Variants in EPHA6 observed in about 807,000 individuals in gnomAD.
EPHA6 encodes the protein ephrin type-A receptor 6.
EPHA6 carries 50 observed loss-of-function variants against 112.0 expected under a neutral mutation model. The observed-to-expected ratio is 0.45, with a 90% CI of 0.36 to 0.56. EPHA6 has a LOEUF of 0.56. Among genes scored for constraint, EPHA6 ranks in the 20% least tolerant of loss-of-function variants. The probability of loss-of-function intolerance (pLI) is 0.00; values close to 1 mark genes in which losing one functional copy is unlikely to be tolerated. For synonymous variants in EPHA6, 529 were observed against 490.7 expected (o/e 1.08, Z -1.03); for missense variants, 1,280 against 1,417.4 (o/e 0.90, Z 1.56).
chr3:96,888,456 G>C (rs1376776683), intron 2 of EPHA6, among the ~76,000 whole-genome samples: 1 of 152,172 alleles, frequency 6.6e-6, no homozygotes, highest in Non-Finnish European at 1.5e-5. Context: ...TTCCCTCAGA[G>C]GGTCTGTGGG....
chr3:96,826,298 A>G (rs765354526), intron 1 of EPHA6, among the ~76,000 whole-genome samples: 1 of 152,020 alleles, frequency 6.6e-6, no homozygotes, highest in Non-Finnish European at 1.5e-5. Context: ...CTTAATTCTA[A>G]AACATTTTAG....
intron 5 of EPHA6, among the ~76,000 whole-genome samples, chr3:97,273,435 G>A (rs1215993268): frequency 6.6e-6 from 1 of 152,068 alleles, no homozygotes; most frequent in East Asian, 1.9e-4. Context: ...AAGTTTTTTG[G>A]GGGCACAGTC....
chr3:97,068,489 A>AT (rs1157340804), intron 3 of EPHA6, among the ~76,000 whole-genome samples: 2 of 152,112 alleles, frequency 1.3e-5, no homozygotes, highest in Non-Finnish European at 2.9e-5. Flanking sequence ...CAAGCGACAG[A>AT]TGAATAAATT....
At chr3:97,152,372 A>T (rs530450742) in intron 3 of EPHA6, among the ~76,000 whole-genome samples, 1 of 151,132 alleles carries the variant, frequency 6.6e-6, no homozygotes, top group East Asian at 1.9e-4. Flanking sequence ...AAAATTATTT[A>T]TGTGAAAAAG....
intron 11 of EPHA6, among the ~76,000 whole-genome samples, chr3:97,554,067 T>A (rs1230424537): frequency 6.6e-6 from 1 of 152,190 alleles, no homozygotes; most frequent in Non-Finnish European, 1.5e-5. Context: ...CAACTTAGTG[T>A]AGCCATGGTT....
At position 96,874,032 on chromosome 3, in the gene EPHA6, T is replaced by A. The variant is rs147048151; in HGVS notation, c.450+7143T>A. Among the ~76,000 whole-genome samples, 4 of 152,148 alleles carry A rather than the reference T, an allele frequency of 2.6e-5. No homozygotes were observed. The East Asian group carries it at 7.8e-4, about 29-fold the overall frequency. ...CCAAAGAAGCTGGTATTAAAACAGG[T>A]CATGTCAATCCCAAAGCCAAGACTT... On this transcript the variant is annotated intron_variant, in intron 2 of 17. Coordinates refer to ENST00000389672, the MANE Select transcript of EPHA6 (RefSeq NM_001080448.3).
chr3:96,885,745 T>A (rs1221438600), intron 2 of EPHA6, among the ~76,000 whole-genome samples: 1 of 152,208 alleles, frequency 6.6e-6, no homozygotes, highest in East Asian at 1.9e-4. Context: ...TGATCTTTGT[T>A]ACGTCCCTTT....
intron 3 of EPHA6, among the ~76,000 whole-genome samples, chr3:96,994,761 A>AGAGAGAGAGAGC (rs2043353407): frequency 2.9e-5 from 4 of 137,082 alleles, no homozygotes; most frequent in African/African-American, 1.1e-4. Flanking sequence ...AGAGAGAGAG[A>AGAGAGAGAGAGC]GCTATATATA....
At chr3:97,042,472 G>A (rs926048131) in intron 3 of EPHA6, among the ~76,000 whole-genome samples, 1 of 151,988 alleles carries the variant, frequency 6.6e-6, no homozygotes, top group African/African-American at 2.4e-5. Flanking sequence ...TTTCTTTCTA[G>A]CAATGCAAAA....
intron 3 of EPHA6, among the ~76,000 whole-genome samples, chr3:97,050,936 A>T (rs1264708424): frequency 6.6e-6 from 1 of 152,198 alleles, no homozygotes; most frequent in African/African-American, 2.4e-5. Flanking sequence ...CACTAAATTT[A>T]TATACTAATA....
In EPHA6 at chr3:97,074,350, C is replaced by T. The variant is rs1243668374; in HGVS notation, c.1114+86357C>T. ...TTTTGATACATATTTTTAATTTACT[C>T]TTTAAAATTTGGCAGCAGTTACACT... On this transcript the variant is annotated intron_variant, in intron 3 of 17. Transcript: ENST00000389672. Among the ~76,000 whole-genome samples, 4 of 152,016 alleles carry T rather than the reference C, an allele frequency of 2.6e-5. 1 individual carries two copies. The highest frequency in any genetic ancestry group is 2.4e-5 in the African/African-American group (1 of 41,518).
intron 6 of EPHA6, among the ~76,000 whole-genome samples, chr3:97,408,151 G>T (rs545413458): frequency 9.2e-5 from 14 of 152,000 alleles, no homozygotes; most frequent in Non-Finnish European, 1.9e-4. Flanking sequence ...GGCCATACTT[G>T]CCTTTTCATA....
At chr3:97,002,305 A>G (rs890605095) in intron 3 of EPHA6, among the ~76,000 whole-genome samples, 5 of 151,312 alleles carry the variant, frequency 3.3e-5, no homozygotes, top group African/African-American at 1.2e-4. Flanking sequence ...CTAATTCACT[A>G]TGGAGATGAA....
chr3:96,997,901 G>A (rs1002998825), intron 3 of EPHA6, among the ~76,000 whole-genome samples: 4 of 151,974 alleles, frequency 2.6e-5, no homozygotes, highest in African/African-American at 9.7e-5. Flanking sequence ...TGCAATATCT[G>A]CAAATTGCAA....
At chr3:97,233,488 C>T (rs2078592644) in intron 4 of EPHA6, among the ~76,000 whole-genome samples, 1 of 151,990 alleles carries the variant, frequency 6.6e-6, no homozygotes, top group Non-Finnish European at 1.5e-5. Flanking sequence ...GGCCAGGAAT[C>T]GAACAAGCAG....
intron 14 of EPHA6, among the ~76,000 whole-genome samples, chr3:97,645,916 G>T (rs1279664887): frequency 6.6e-6 from 1 of 152,088 alleles, no homozygotes; most frequent in African/African-American, 2.4e-5. Flanking sequence ...GAAGGATTTG[G>T]AGGAAAGAGA....
At chr3:97,476,405 C>T (rs1206202238) in intron 8 of EPHA6, among the ~76,000 whole-genome samples, 1 of 152,084 alleles carries the variant, frequency 6.6e-6, no homozygotes, top group Admixed American at 6.6e-5. Context: ...CCAATGTTGA[C>T]TCCAGCTAAA....
At chr3:97,178,573 G>T (rs72922368) in intron 3 of EPHA6, among the ~76,000 whole-genome samples, 4,213 of 152,098 alleles carry the variant, frequency 0.028, 193 homozygotes, top group African/African-American at 0.092. Context: ...GTTTGTCAAG[G>T]TCTTTATTTC....
At chr3:97,481,293 G>C (rs943744256) in intron 9 of EPHA6, 1 of 1,535,342 alleles carries the variant, frequency 6.5e-7, no homozygotes, top group Non-Finnish European at 9.0e-7. Context: ...TTCATAAAGA[G>C]TATCCGTCTT....
Sources: allele counts gnomAD v4.1 joint callset (sites outside exome capture counted in the v4.1 genomes callset), GRCh38; gene constraint gnomAD v4.1.1; transcripts MANE v1.5; gene names NCBI Gene and HGNC (gene_info 2026-07-23, HGNC 2026-07-21).